Variants in EPB41L2 observed in about 807,000 individuals in gnomAD.
The protein encoded by EPB41L2 is band 4.1-like protein 2.
Under a neutral mutation model 113.0 loss-of-function variants are expected in EPB41L2, and 43 were observed. The observed-to-expected ratio is 0.38, with a 90% CI of 0.30 to 0.49. The LOEUF (loss-of-function observed/expected upper bound fraction) is 0.49, where lower values mean the gene tolerates loss of function less well. Ranked by LOEUF, EPB41L2 falls within the 20% of genes least tolerant of loss-of-function variation. The pLI is 0.95. For synonymous variants in EPB41L2, 442 were observed against 436.7 expected (o/e 1.01, Z -0.15); for missense variants, 1,147 against 1,223.4 (o/e 0.94, Z 0.93).
chr6:130,897,002 G>A (rs1022441225), intron 8 of EPB41L2, among the ~76,000 whole-genome samples: 6 of 151,982 alleles, frequency 3.9e-5, no homozygotes, highest in East Asian at 3.9e-4. Flanking sequence ...CCCACAAGAC[G>A]GCCCTCTCCA....
intron 1 of EPB41L2, among the ~76,000 whole-genome samples, chr6:131,060,682 G>A (rs184817173): frequency 8.7e-4 from 132 of 152,322 alleles, no homozygotes; most frequent in Non-Finnish European, 1.6e-3. Context: ...ATGGACCCAG[G>A]CAGTCAGTAA....
intron 1 of EPB41L2, among the ~76,000 whole-genome samples, chr6:131,033,589 A>T (rs376856344): frequency 6.6e-6 from 1 of 152,240 alleles, no homozygotes; most frequent in Non-Finnish European, 1.5e-5. Context: ...ATACAATGAA[A>T]TATCATTCAG....
At position 130,878,057 on chromosome 6, in the gene EPB41L2, T is replaced by C. The variant is rs145997698; in HGVS notation, c.2043+47A>G. On this transcript the variant is annotated intron_variant, in intron 14 of 19. Coordinates refer to ENST00000337057, the MANE Select transcript of EPB41L2 (RefSeq NM_001431.4). ...ATAGAGATTAACAATTTAAGTTTTATTGAGCAACTGAAGTGAGACAGAGCC... is the reference window on the plus strand; with the variant it reads ...ATAGAGATTAACAATTTAAGTTTTACTGAGCAACTGAAGTGAGACAGAGCC... The C allele has an allele frequency of 1.4e-3, 2,144 of 1,504,308 alleles. 36 individuals are homozygous for C. In the Admixed American group the frequency reaches 0.034, roughly 24 times the overall value. 93.2% of individuals were successfully genotyped at this position (1,504,308 alleles called of 1,614,324 possible).
intron 12 of EPB41L2, chr6:130,880,710 G>T: frequency 2.5e-6 from 1 of 404,772 alleles, no homozygotes; most frequent in Admixed American, 4.3e-5. Flanking sequence ...GTGGAATGGA[G>T]GATGGAAGCT....
chr6:130,860,520 A>ATTTTATTTTTAT (rs149299674), intron 18 of EPB41L2, among the ~76,000 whole-genome samples: 11 of 152,038 alleles, frequency 7.2e-5, no homozygotes, highest in African/African-American at 2.2e-4. Context: ...TTACTGCCAA[A>ATTTTATTTTTAT]TTTTATTTTT....
intron 1 of EPB41L2, among the ~76,000 whole-genome samples, chr6:131,005,178 GTTT>G (rs5880046): frequency 2.1e-5 from 3 of 145,200 alleles, no homozygotes; most frequent in Non-Finnish European, 1.5e-5. Flanking sequence ...CTTTTACAGA[GTTT>G]TTTTTTTTTT....
intron 1 of EPB41L2, among the ~76,000 whole-genome samples, chr6:130,968,789 C>T (rs550918208): frequency 2.3e-4 from 35 of 150,110 alleles, no homozygotes; most frequent in Non-Finnish European, 3.8e-4. Context: ...TAGTTCAGAA[C>T]TACTTAGCAA....
intron 1 of EPB41L2, among the ~76,000 whole-genome samples, chr6:130,966,982 T>C (rs1562616755): frequency 6.6e-6 from 1 of 152,166 alleles, no homozygotes; most frequent in African/African-American, 2.4e-5. Context: ...AACCCACCAC[T>C]TACCCCCAAT....
At chr6:130,880,463 C>G (rs1278899799) in intron 12 of EPB41L2, 1 of 655,698 alleles carries the variant, frequency 1.5e-6, no homozygotes. Flanking sequence ...CCTCTTCCAG[C>G]TGCGTTTCCT....
At chr6:130,845,875 G>A (rs972098439) in intron 19 of EPB41L2, among the ~76,000 whole-genome samples, 1 of 152,198 alleles carries the variant, frequency 6.6e-6, no homozygotes, top group Admixed American at 6.5e-5. Flanking sequence ...GTACAACAAT[G>A]TCTAGAGGAA....
intron 19 of EPB41L2, among the ~76,000 whole-genome samples, chr6:130,843,066 G>A (rs573738693): frequency 7.2e-5 from 11 of 152,236 alleles, no homozygotes; most frequent in Admixed American, 2.0e-4. Flanking sequence ...CCTTATTGGC[G>A]TGGATGAACA....
At chr6:130,965,691 CAT>C (rs1774955575) in intron 1 of EPB41L2, among the ~76,000 whole-genome samples, 2 of 141,486 alleles carry the variant, frequency 1.4e-5, no homozygotes, top group Non-Finnish European at 3.1e-5. Flanking sequence ...GGCACATAAA[CAT>C]ATGAAGAGGT....
At chr6:131,009,351 T>C (rs1206261377) in intron 1 of EPB41L2, among the ~76,000 whole-genome samples, 3 of 152,174 alleles carry the variant, frequency 2.0e-5, no homozygotes, top group Non-Finnish European at 4.4e-5. Flanking sequence ...TGTGAGTCAA[T>C]TAAACCTCTT....
At chr6:130,950,489 G>GA (rs1053017457) in intron 3 of EPB41L2, among the ~76,000 whole-genome samples, 14 of 150,760 alleles carry the variant, frequency 9.3e-5, no homozygotes, top group African/African-American at 1.9e-4. Flanking sequence ...ACTAACTCGG[G>GA]AAAAAAAAAT....
intron 1 of EPB41L2, among the ~76,000 whole-genome samples, chr6:130,967,643 C>T (rs562459609): frequency 1.6e-4 from 25 of 152,232 alleles, no homozygotes; most frequent in African/African-American, 6.0e-4. Flanking sequence ...TCTCTTTCAG[C>T]AGCTTCCTCC....
At chr6:131,009,454 G>A (rs1387867483) in intron 1 of EPB41L2, among the ~76,000 whole-genome samples, 2 of 152,084 alleles carry the variant, frequency 1.3e-5, no homozygotes, top group Middle Eastern at 3.4e-3. Context: ...GAAATCCTAT[G>A]AGAATTCCCT....
At chr6:130,903,588 C>T (rs573266533) in intron 6 of EPB41L2, among the ~76,000 whole-genome samples, 2 of 152,182 alleles carry the variant, frequency 1.3e-5, no homozygotes, top group South Asian at 4.1e-4. Flanking sequence ...CTAAGCCCCT[C>T]TAGTTTTCTA....
chr6:130,890,505 G>C, intron 10 of EPB41L2, 39 bp from the exon 11 acceptor site: 1 of 1,559,144 alleles, frequency 6.4e-7, no homozygotes, highest in Admixed American at 2.1e-5. Context: ...AGAGAGAAAG[G>C]GGAAGCAAAA....
chr6:130,956,363 T>A lies in EPB41L2; in HGVS notation c.123A>T (p.Pro41=). ...GTGGCTGGGAACCTTTTTCCTCCTC[T>A]GGATCGGAAGACTGATTCTGCTGAT... ...AENQQNQSSD[P]EEEKGSQPPP... The change falls in exon 2 of 20, where the codon CCA becomes CCT. Residue 41 remains proline, a synonymous_variant. Coordinates refer to ENST00000337057, the MANE Select transcript of EPB41L2 (RefSeq NM_001431.4). 3 of 1,614,224 alleles carry A rather than the reference T, an allele frequency of 1.9e-6. No individual in the cohort carries two copies. The highest frequency in any genetic ancestry group is 2.5e-6 in the Non-Finnish European group (3 of 1,180,042).
Sources: allele counts gnomAD v4.1 joint callset (sites outside exome capture counted in the v4.1 genomes callset), GRCh38; gene constraint gnomAD v4.1.1; transcripts MANE v1.5; gene names NCBI Gene and HGNC (gene_info 2026-07-23, HGNC 2026-07-21).